The following CCL24 variants were observed in gnomAD, a reference collection of about 807,000 sequenced individuals.
CCL24 encodes the protein C-C motif chemokine ligand 24.
Under a neutral mutation model 8.6 loss-of-function variants are expected in CCL24, and 6 were observed. The ratio of observed to expected loss-of-function variants is 0.70; its 90% CI spans 0.38 to 1.38. The LOEUF (loss-of-function observed/expected upper bound fraction) is 1.38, where lower values mean the gene tolerates loss of function less well. Ranked by LOEUF, CCL24 falls within the 40% of genes most tolerant of loss-of-function variation. The pLI is 0.02. For synonymous variants in CCL24, 59 were observed against 52.7 expected (o/e 1.12, Z -0.52); for missense variants, 126 against 147.1 (o/e 0.86, Z 0.74).
chr7:75,823,168 G>A (rs1326389107), intron 1 of CCL24, among the ~76,000 whole-genome samples: 1 of 152,168 alleles, frequency 6.6e-6, no homozygotes, highest in Non-Finnish European at 1.5e-5. Flanking sequence ...GCAGTGGGGT[G>A]CCAGGATGAA....
At chr7:75,820,056 T>C (rs922171089) in intron 1 of CCL24, among the ~76,000 whole-genome samples, 1 of 137,428 alleles carries the variant, frequency 7.3e-6, no homozygotes, top group Non-Finnish European at 1.6e-5. Flanking sequence ...CTTCTTCTTC[T>C]TCTTCTTCTT....
upstream of CCL24, chr7:75,813,882 T>A: frequency 3.7e-6 from 2 of 543,938 alleles, no homozygotes; most frequent in Non-Finnish European, 6.7e-6. Flanking sequence ...CCACGCTTCC[T>A]TGAAAATCCT....
chr7:75,813,557 C>T, intron 1 of CCL24, 86 bp downstream of exon 1: 1 of 1,352,486 alleles, frequency 7.4e-7, no homozygotes, highest in Non-Finnish European at 1.1e-6. Context: ...CAGCGCTTCC[C>T]TCCAGCCCCA....
chr7:75,818,086 C>T (rs1434283426), upstream of CCL24, among the ~76,000 whole-genome samples: 1 of 152,120 alleles, frequency 6.6e-6, no homozygotes, highest in Non-Finnish European at 1.5e-5. Flanking sequence ...CCACCTCGGC[C>T]TCCCAAAGTG....
chr7:75,822,229 A>G (rs1349165896), intron 1 of CCL24, among the ~76,000 whole-genome samples: 1 of 152,180 alleles, frequency 6.6e-6, no homozygotes. Context: ...AGCTCAAGAC[A>G]CAGTGTAGTA....
intron 1 of CCL24, among the ~76,000 whole-genome samples, chr7:75,819,252 G>A (rs1803958871): frequency 1.2e-5 from 1 of 83,718 alleles, no homozygotes; most frequent in Non-Finnish European, 2.2e-5. Flanking sequence ...TGGGCAACAA[G>A]AGTGAAACTC....
At chr7:75,818,459 A>G (rs1233420088), upstream of CCL24, among the ~76,000 whole-genome samples, 5 of 151,488 alleles carry the variant, frequency 3.3e-5, no homozygotes, top group Non-Finnish European at 7.4e-5. Flanking sequence ...AAAAAAAAAA[A>G]AAAAGAAAGG....
upstream of CCL24, among the ~76,000 whole-genome samples, chr7:75,814,198 G>T (rs886727035): frequency 5.3e-5 from 8 of 152,090 alleles, no homozygotes; most frequent in Admixed American, 3.9e-4. Flanking sequence ...TTATTTATTA[G>T]GCATGTGGTC....
intron 1 of CCL24, among the ~76,000 whole-genome samples, chr7:75,820,062 T>C (rs868939187): frequency 1.5e-5 from 2 of 137,220 alleles, no homozygotes; most frequent in South Asian, 2.6e-4. Flanking sequence ...CTTCTTCTTC[T>C]TCTTCTTCTT....
chr7:75,812,684 C>T (rs1422732880), intron 2 of CCL24, among the ~76,000 whole-genome samples: 1 of 152,140 alleles, frequency 6.6e-6, no homozygotes, highest in African/African-American at 2.4e-5. Flanking sequence ...AATCCCAGCA[C>T]TTTGGAAGGC....
upstream of CCL24, among the ~76,000 whole-genome samples, chr7:75,814,968 C>A (rs1803858245): frequency 6.6e-6 from 1 of 152,058 alleles, no homozygotes; most frequent in African/African-American, 2.4e-5. Flanking sequence ...GCCCATGAAT[C>A]CCTGCCAAGG....
At chr7:75,812,335 C>A (rs1701630666) in intron 2 of CCL24, among the ~76,000 whole-genome samples, 3 of 152,128 alleles carry the variant, frequency 2.0e-5, no homozygotes, top group African/African-American at 7.2e-5. Flanking sequence ...AACCCTCCTG[C>A]CTCAGCCTCC....
In CCL24 at chr7:75,813,338, G is replaced by T. The variant is rs782284631; in HGVS notation, c.159C>A (p.Ser53=). ...CTGCCTTGAGGCATGTGCTCCTGCT[G>T]GACAGCTGGTAGCTGACCACTCGGT... The part of the protein sequence containing the change: ...PENRVVSYQL[S]SRSTCLKAGV... Residue 53 remains serine, a synonymous_variant, in exon 2 of 3, where the codon TCC becomes TCA. Transcript: ENST00000222902. 1.2e-6 allele frequency: 2 copies of T among 1,612,538 alleles called. No homozygotes were observed. Among genetic ancestry groups the T allele is most frequent in the South Asian group, 2.2e-5 (2 of 91,042 alleles).
At chr7:75,812,930 G>A (rs58759474) in intron 2 of CCL24, among the ~76,000 whole-genome samples, 70 of 143,092 alleles carry the variant, frequency 4.9e-4, no homozygotes, top group South Asian at 9.0e-4. Context: ...TGTCTCAGGG[G>A]AAAAAAAAAA....
chr7:75,821,550 C>T (rs1196851488), intron 1 of CCL24, among the ~76,000 whole-genome samples: 1 of 152,084 alleles, frequency 6.6e-6, no homozygotes, highest in Non-Finnish European at 1.5e-5. Flanking sequence ...TGGATAAAAA[C>T]AGTCTGCAGG....
upstream of CCL24, among the ~76,000 whole-genome samples, chr7:75,815,142 C>T (rs1803863260): frequency 5.9e-5 from 9 of 151,810 alleles, no homozygotes; most frequent in Non-Finnish European, 1.0e-4. Flanking sequence ...AGTTTGAGAC[C>T]AGCAGGGGCA....
At chr7:75,818,392 A>C (rs562214739), upstream of CCL24, among the ~76,000 whole-genome samples, 1 of 150,086 alleles carries the variant, frequency 6.7e-6, no homozygotes, top group Admixed American at 6.7e-5. Context: ...GGTTGCAGTG[A>C]GCCGAGATCG....
upstream of CCL24, among the ~76,000 whole-genome samples, chr7:75,814,707 G>A (rs571309575): frequency 3.9e-4 from 60 of 151,906 alleles, no homozygotes; most frequent in South Asian, 1.5e-3. Flanking sequence ...TCAAGTTGCC[G>A]GAGCCACTTA....
At chr7:75,817,141 C>T (rs1214512496), upstream of CCL24, among the ~76,000 whole-genome samples, 2 of 152,144 alleles carry the variant, frequency 1.3e-5, no homozygotes, top group Non-Finnish European at 2.9e-5. Context: ...GCTGGGATTA[C>T]AGGCATGAGC....
Sources: allele counts gnomAD v4.1 joint callset (sites outside exome capture counted in the v4.1 genomes callset), GRCh38; gene constraint gnomAD v4.1.1; transcripts MANE v1.5; gene names NCBI Gene and HGNC (gene_info 2026-07-23, HGNC 2026-07-21).